MAX: variants seen among roughly 807,000 people sequenced by gnomAD.
MAX encodes the protein protein max.
In MAX, 3 loss-of-function variants were observed where a neutral mutation model predicts 22.3. That is an observed-to-expected ratio of 0.13 (90% CI 0.06 to 0.35). The LOEUF (loss-of-function observed/expected upper bound fraction) is 0.35, where lower values mean the gene tolerates loss of function less well. MAX is among the 10% of genes least tolerant of loss of function. The pLI is 1.00. For synonymous variants in MAX, 72 were observed against 77.7 expected, an observed-to-expected ratio of 0.93 and a Z score of 0.39; for missense variants, 119 against 209.4, an observed-to-expected ratio of 0.57 and a Z score of 2.66.
chr14:65,102,651 C>T (rs1219201543), upstream of MAX: 1 of 1,094,096 alleles, frequency 9.1e-7, no homozygotes, highest in African/African-American at 1.7e-5. Flanking sequence ...AGAAAAACTA[C>T]AAATCCCGGA....
chr14:65,050,643 A>C (rs2062586110), intron 3 of MAX, among the ~76,000 whole-genome samples: 1 of 152,172 alleles, frequency 6.6e-6, no homozygotes, highest in Admixed American at 6.5e-5. Flanking sequence ...CAAAATTTTA[A>C]ATTTTGCTGG....
Position 65,076,521 on chromosome 14 carries a change from A to G in MAX, c.438T>C (p.Pro146=), listed in dbSNP as rs1259526031. The G allele has an allele frequency of 1.2e-6, 2 of 1,613,932 alleles. No individual in the cohort carries two copies. The highest frequency in any genetic ancestry group is 2.7e-5 in the African/African-American group (2 of 74,892). Residue 146 remains proline, a synonymous_variant, in exon 5 of 5, where the codon CCT becomes CCC. Coordinates refer to ENST00000358664, the MANE Select transcript of MAX (RefSeq NM_002382.5). The surrounding 1 kb of genome is among the most constrained non-coding windows in gnomAD (Gnocchi z 6.6). The stretch of plus-strand genomic sequence containing the variant: ...GCTTCTTCCTGCTTTGGGGCTCTTC[A>G]GGCTCAGACTCCGAGCTGGAGTCCG... ...GGSDSSSESE[P]EEPQSRKKLR... is the part of the protein sequence containing the mutation.
intron 3 of MAX, chr14:65,061,053 T>C: frequency 6.8e-7 from 1 of 1,463,598 alleles, no homozygotes; most frequent in Non-Finnish European, 9.1e-7. Flanking sequence ...TTTTGAACCT[T>C]TGGGCTTTGT....
At chr14:65,046,034 C>T (rs944181837) in intron 3 of MAX, among the ~76,000 whole-genome samples, 1 of 152,092 alleles carries the variant, frequency 6.6e-6, no homozygotes, top group African/African-American at 2.4e-5. Context: ...GTTGCCCAGG[C>T]CGGAGTGCAA....
chr14:65,102,623 G>C, upstream of MAX: 1 of 1,252,690 alleles, frequency 8.0e-7, no homozygotes, highest in Non-Finnish European at 1.0e-6. Context: ...CCCTCTAACA[G>C]ACGGCCCGGG....
intron 3 of MAX, among the ~76,000 whole-genome samples, chr14:65,056,523 A>G (rs75491549): frequency 0.049 from 7,435 of 152,206 alleles, 604 homozygotes; most frequent in African/African-American, 0.17. Context: ...CTTTTTGCCA[A>G]TTTGATGGGT....
chr14:65,042,667 G>A (rs554972615), intron 3 of MAX, among the ~76,000 whole-genome samples: 33 of 152,346 alleles, frequency 2.2e-4, no homozygotes, highest in African/African-American at 7.5e-4. Context: ...TTTGGGAGAA[G>A]TAGGACCCAT....
intron 3 of MAX, chr14:65,061,933 C>T (rs528637560): frequency 6.5e-6 from 1 of 153,494 alleles, no homozygotes; most frequent in East Asian, 1.9e-4. Context: ...CCTTGCATCT[C>T]TCCAGGGTCC....
At chr14:65,008,721 G>A (rs148415588) in intron 3 of MAX, among the ~76,000 whole-genome samples, 1 of 152,366 alleles carries the variant, frequency 6.6e-6, no homozygotes, top group Non-Finnish European at 1.5e-5. Flanking sequence ...AAGGCAGCAT[G>A]ACCAGAGCTC....
In MAX at chr14:65,032,999, G is replaced by T. The variant is rs2062115392; in HGVS notation, c.172-26715C>A. Among the ~76,000 whole-genome samples, 1 of 152,154 alleles carries T rather than the reference G, an allele frequency of 6.6e-6. No individual in the cohort carries two copies. Among genetic ancestry groups the T allele is most frequent in the African/African-American group, 2.4e-5 (1 of 41,424 alleles). ...TTGACAGTATGTCAAAGGTGCCCTTGCGTAGGACCCAGTAATTCCACTCCC... is the reference window on the plus strand; with the variant it reads ...TTGACAGTATGTCAAAGGTGCCCTTTCGTAGGACCCAGTAATTCCACTCCC... On this transcript the variant is annotated intron_variant, in intron 3 of 3. Coordinates refer to the MAX transcript ENST00000341653. The surrounding 1 kb of genome is among the most constrained non-coding windows in gnomAD (Gnocchi z 5.0).
At chr14:65,080,381 T>TA (rs1195194657) in intron 3 of MAX, among the ~76,000 whole-genome samples, 3 of 152,220 alleles carry the variant, frequency 2.0e-5, no homozygotes, top group Admixed American at 2.0e-4. Context: ...TATTAGGGTT[T>TA]ATTAGGTGAC....
chr14:65,024,977 C>G (rs1478207861), intron 3 of MAX, among the ~76,000 whole-genome samples: 9 of 152,060 alleles, frequency 5.9e-5, no homozygotes, highest in African/African-American at 2.2e-4. Context: ...ACATTTTGGT[C>G]TTCAGAATTG....
At chr14:65,051,211 G>A (rs2062600857) in intron 3 of MAX, among the ~76,000 whole-genome samples, 1 of 152,166 alleles carries the variant, frequency 6.6e-6, no homozygotes, top group South Asian at 2.1e-4. Flanking sequence ...GCCTCTAAAT[G>A]TCACCTGGCC....
rs1276052765 is a variant in MAX at position 65,027,188 on chromosome 14, G to T, written c.172-20904C>A. 6.6e-6 allele frequency among the ~76,000 whole-genome samples: 1 copy of T among 152,214 alleles called. No individual in the cohort carries two copies. Among genetic ancestry groups the T allele is most frequent in the Non-Finnish European group, 1.5e-5 (1 of 68,038 alleles). ...TCTTACCCCATAGCTACGAAAGTCG[G>T]TTTCTTCCCAGCCTTGTGTTCCCTG... On this transcript the variant is annotated intron_variant, in intron 3 of 3. Transcript: ENST00000341653. This position sits in a 1 kb window ranked among gnomAD's most constrained non-coding sequence, Gnocchi z 5.7.
At chr14:65,035,466 G>C (rs943839835) in intron 3 of MAX, among the ~76,000 whole-genome samples, 4 of 152,150 alleles carry the variant, frequency 2.6e-5, no homozygotes, top group Non-Finnish European at 5.9e-5. Context: ...GACAGCCTGG[G>C]TTTGAATCCC....
intron 3 of MAX, among the ~76,000 whole-genome samples, chr14:65,045,810 T>A (rs1181224538): frequency 6.6e-6 from 1 of 152,128 alleles, no homozygotes; most frequent in Non-Finnish European, 1.5e-5. Flanking sequence ...CTCTGTCCCA[T>A]TTTCCCGGCC....
Position 65,054,244 on chromosome 14 carries a change from CT to C in MAX, c.171+39463del, listed in dbSNP as rs1328256027. Among the ~76,000 whole-genome samples, 5 of 152,112 alleles carry C rather than the reference CT, an allele frequency of 3.3e-5. No individual in the cohort carries two copies. Among genetic ancestry groups the C allele is most frequent in the Non-Finnish European group, 4.4e-5 (3 of 68,030 alleles). On this transcript the variant is annotated intron_variant, in intron 3 of 3. Coordinates refer to the MAX transcript ENST00000341653. This position sits in a 1 kb window ranked among gnomAD's most constrained non-coding sequence, Gnocchi z 4.4. The stretch of plus-strand genomic sequence containing the variant: ...CCTCCTGCTTCAGCCTCCCAAGTAA[CT>C]GGAATTACAGGCATCGGCCACCACA...
Position 65,052,385 on chromosome 14 carries a change from A to T in MAX, c.171+41323T>A, listed in dbSNP as rs74981000. 3.5e-3 allele frequency among the ~76,000 whole-genome samples: 527 copies of T among 152,320 alleles called. 15 individuals carry two copies. In the East Asian group the frequency reaches 0.087, roughly 25 times the overall value. The stretch of plus-strand genomic sequence containing the variant: ...ACCAATTGTTGGGCATCTTTTTTTT[A>T]AAAATGATTTATTGTCAGGCATCTT... On this transcript the variant is annotated intron_variant, in intron 3 of 3. Coordinates refer to the MAX transcript ENST00000341653.
Position 65,009,291 on chromosome 14 carries a change from C to T in MAX, c.172-3007G>A, listed in dbSNP as rs991168888. ...ACCAAGGTGTCAGCAGGCTTGGTTT[C>T]TCCTGAGGCTGCTGACTGGCTTCAC... On this transcript the variant is annotated intron_variant, in intron 3 of 3. Transcript: ENST00000341653. This position sits in a 1 kb window ranked among gnomAD's most constrained non-coding sequence, Gnocchi z 4.2. Among the ~76,000 whole-genome samples, 2 of 152,118 alleles carry T rather than the reference C, an allele frequency of 1.3e-5. No homozygotes were observed. Among genetic ancestry groups the T allele is most frequent in the Admixed American group, 1.3e-4 (2 of 15,262 alleles).
Sources: allele counts gnomAD v4.1 joint callset (sites outside exome capture counted in the v4.1 genomes callset), GRCh38; gene constraint gnomAD v4.1.1; non-coding constraint Gnocchi (gnomAD v3.1); transcripts MANE v1.5; gene names NCBI Gene and HGNC (gene_info 2026-07-23, HGNC 2026-07-21).